The following BANP variants were observed in gnomAD, a reference collection of about 807,000 sequenced individuals.
The protein encoded by BANP is protein BANP.
In BANP, 11 loss-of-function variants were observed where a neutral mutation model predicts 68.1. That is an observed-to-expected ratio of 0.16 (90% CI 0.10 to 0.27). BANP has a LOEUF of 0.27. Among genes scored for constraint, BANP ranks in the 10% least tolerant of loss-of-function variants. BANP has a pLI of 1.00. For missense variants in BANP, 504 were observed against 722.7 expected, an observed-to-expected ratio of 0.70 and a Z score of 3.47; for synonymous variants, 329 against 303.2, an observed-to-expected ratio of 1.09 and a Z score of -0.88.
chr16:88,076,454 G>A, intron 13 of BANP, 136 bp from the exon 14 acceptor site: 1 of 693,060 alleles, frequency 1.4e-6, no homozygotes, highest in Non-Finnish European at 2.3e-6. Flanking sequence ...GTGAGCCTTG[G>A]GGCCGTCAGG....
intron 7 of BANP, among the ~76,000 whole-genome samples, chr16:88,023,259 G>C (rs2076351148): frequency 2.0e-5 from 3 of 152,258 alleles, no homozygotes; most frequent in Admixed American, 6.5e-5. Flanking sequence ...CCTGGAGGTG[G>C]TCCTGCAGGT....
At chr16:87,985,989 C>G (rs1345666762) in intron 4 of BANP, among the ~76,000 whole-genome samples, 6 of 152,214 alleles carry the variant, frequency 3.9e-5, no homozygotes, top group Non-Finnish European at 8.8e-5. Flanking sequence ...GTTTTCCACT[C>G]ATGAAGCTCT....
chr16:88,074,241 T>G (rs1489288547), intron 13 of BANP, among the ~76,000 whole-genome samples: 1 of 152,158 alleles, frequency 6.6e-6, no homozygotes, highest in African/African-American at 2.4e-5. Context: ...GGAATGGTCT[T>G]GCATCTTGCA....
chr16:88,033,052 C>A (rs927703150), intron 8 of BANP, 57 bp from the exon 9 acceptor site: 7 of 1,514,364 alleles, frequency 4.6e-6, no homozygotes, highest in Non-Finnish European at 6.3e-6. Context: ...ACATGCCACA[C>A]CAGGCAATGC....
At chr16:87,974,145 T>C (rs1371579748) in intron 1 of BANP, among the ~76,000 whole-genome samples, 1 of 152,262 alleles carries the variant, frequency 6.6e-6, no homozygotes, top group Non-Finnish European at 1.5e-5. Flanking sequence ...AATTAAAATA[T>C]AAAGTATAAT....
At chr16:87,991,321 A>G (rs1203780956) in intron 4 of BANP, among the ~76,000 whole-genome samples, 1 of 152,258 alleles carries the variant, frequency 6.6e-6, no homozygotes, top group Non-Finnish European at 1.5e-5. Flanking sequence ...TATTAACATA[A>G]TCATATGCTT....
chr16:88,057,467 C>T lies in BANP; in HGVS notation c.1312-7800C>T, dbSNP rs550298421. On this transcript the variant is annotated intron_variant, in intron 11 of 13. Transcript: ENST00000682872. This position sits in a 1 kb window ranked among gnomAD's most constrained non-coding sequence, Gnocchi z 4.6. ...CAGGGGGATGCCCTGGAGACTCTTG[C>T]GGTCCCCTCCACGTGTTCACCTCGT... 3.3e-5 allele frequency among the ~76,000 whole-genome samples: 5 copies of T among 152,014 alleles called. No individual in the cohort carries two copies. The highest frequency in any genetic ancestry group is 7.4e-5 in the Non-Finnish European group (5 of 67,994).
intron 4 of BANP, among the ~76,000 whole-genome samples, chr16:87,984,831 C>T (rs2063991179): frequency 6.6e-6 from 1 of 152,338 alleles, no homozygotes; most frequent in Admixed American, 6.5e-5. Flanking sequence ...GCCGACAGCT[C>T]GTGCTGAAGC....
intron 4 of BANP, among the ~76,000 whole-genome samples, chr16:87,988,734 A>G (rs1181235303): frequency 2.6e-5 from 4 of 152,192 alleles, no homozygotes; most frequent in African/African-American, 9.7e-5. Context: ...AGACACCTTA[A>G]GGGGCTCTGA....
chr16:88,038,943 G>A lies in BANP; in HGVS notation c.1311+932G>A, dbSNP rs116883174. On this transcript the variant is annotated intron_variant, in intron 11 of 13. Transcript: ENST00000682872. ...TAATTTTTCAAAACCACAGTGCACT[G>A]TCCTTCGAGAAACCTGCATGCGTTC... Among the ~76,000 whole-genome samples, 13 of 152,358 alleles carry A rather than the reference G, an allele frequency of 8.5e-5. No individual in the cohort carries two copies. The East Asian group carries it at 2.3e-3, about 27-fold the overall frequency.
At position 88,059,070 on chromosome 16, in the gene BANP, C is replaced by T. The variant is rs2085959567; in HGVS notation, c.1312-6197C>T. Among the ~76,000 whole-genome samples the T allele has an allele frequency of 1.5e-5, 2 of 135,388 alleles. 1 individual carries two copies. Among genetic ancestry groups the T allele is most frequent in the South Asian group, 4.4e-4 (2 of 4,504 alleles). The allele number at this position is 135,388 out of a possible 152,430, so 88.8% of individuals were successfully genotyped here. Reference sequence around the variant, plus strand: ...GTACCACAGTGCTGTGGTCCGTGCTCCTGCTGGTGTGCTGAGGTCCGTGCT... The same window carrying T: ...GTACCACAGTGCTGTGGTCCGTGCTTCTGCTGGTGTGCTGAGGTCCGTGCT... On this transcript the variant is annotated intron_variant, in intron 11 of 13. Transcript: ENST00000682872.
chr16:88,031,692 A>G (rs116652739), intron 8 of BANP, among the ~76,000 whole-genome samples: 3,319 of 152,174 alleles, frequency 0.022, 121 homozygotes, highest in African/African-American at 0.077. Context: ...GTTACTTTAA[A>G]AAATGTATTC....
chr16:88,006,160 G>T lies in BANP; in HGVS notation c.550G>T (p.Asp184Tyr). The T allele has an allele frequency of 6.2e-7, 1 of 1,614,066 alleles. No individual in the cohort carries two copies. The highest frequency in any genetic ancestry group is 2.2e-5 in the East Asian group (1 of 44,872). ...GGGCCAAGAAGACAGCCACCACGAG[G>T]ACGGGGAGAGCGGCTCGGAGGCCAG... ...VPGQEDSHHEDGESGSEASDS... is the reference protein window; with the variant it reads ...VPGQEDSHHEYGESGSEASDS... Residue 184 changes from aspartate (D) to tyrosine (Y), a missense_variant, in exon 6 of 14, where the codon GAC becomes TAC. Coordinates refer to ENST00000682872, the MANE Select transcript of BANP (RefSeq NM_001386991.1).
chr16:87,959,007 T>C (rs1336272352), intron 1 of BANP, among the ~76,000 whole-genome samples: 1 of 152,220 alleles, frequency 6.6e-6, no homozygotes, highest in Non-Finnish European at 1.5e-5. Flanking sequence ...AGCATGATGT[T>C]GGCACGTACA....
intron 6 of BANP, among the ~76,000 whole-genome samples, chr16:88,015,717 C>A (rs2074385491): frequency 6.6e-6 from 1 of 152,286 alleles, no homozygotes. Flanking sequence ...AGGTCTCGCG[C>A]TCCAGGAGCT....
In BANP at chr16:88,018,828, A is replaced by T. The variant is rs1283250628; in HGVS notation, c.895+161A>T. ...CGAGGATCAGTGCTCGAGGGGATGG[A>T]TGAGCTGTTGACCCTGATGTGCTTA... On this transcript the variant is annotated intron_variant, in intron 7 of 13. Coordinates refer to ENST00000682872, the MANE Select transcript of BANP (RefSeq NM_001386991.1). The surrounding 1 kb of genome is among the most constrained non-coding windows in gnomAD (Gnocchi z 7.7). 6.6e-6 allele frequency among the ~76,000 whole-genome samples: 1 copy of T among 152,182 alleles called. No individual in the cohort carries two copies. The highest frequency in any genetic ancestry group is 1.9e-4 in the East Asian group (1 of 5,190).
chr16:87,982,107 G>T (rs532428196), intron 3 of BANP, among the ~76,000 whole-genome samples: 148 of 152,334 alleles, frequency 9.7e-4, no homozygotes, highest in Admixed American at 1.9e-3. Flanking sequence ...CCAACCAATG[G>T]ATAGGATGTG....
intron 2 of BANP, among the ~76,000 whole-genome samples, chr16:87,977,280 G>C (rs1422360848): frequency 1.3e-5 from 2 of 152,144 alleles, no homozygotes; most frequent in Admixed American, 1.3e-4. Flanking sequence ...TTAGCCGGGC[G>C]TGGTGGCGGG....
At chr16:87,967,708 G>A (rs1226203680) in intron 1 of BANP, among the ~76,000 whole-genome samples, 2 of 148,814 alleles carry the variant, frequency 1.3e-5, no homozygotes, top group Non-Finnish European at 3.0e-5. Context: ...TGCAGCCTCC[G>A]CCTCCTGGGT....
Sources: gnomAD v4.1 joint callset for allele counts (sites outside exome capture counted in the v4.1 genomes callset) on GRCh38, gnomAD v4.1.1 for gene constraint, Gnocchi (gnomAD v3.1) non-coding constraint, MANE v1.5 for transcripts, NCBI Gene and HGNC (gene_info 2026-07-23, HGNC 2026-07-21) for gene names.